NPHP4: variants seen among roughly 807,000 people sequenced by gnomAD.
NPHP4 encodes nephrocystin-4.
NPHP4 carries 151 observed loss-of-function variants against 155.8 expected under a neutral mutation model. The ratio of observed to expected loss-of-function variants is 0.97; its 90% CI spans 0.85 to 1.11. The LOEUF is 1.11. NPHP4 is among the 50% of genes least tolerant of loss of function. The pLI, the probability that NPHP4 is intolerant of heterozygous loss-of-function variation, is 0.00. For missense variants in NPHP4, 1,956 were observed against 1,925.7 expected, an observed-to-expected ratio of 1.02 and a Z score of -0.29; for synonymous variants, 845 against 816.8, an observed-to-expected ratio of 1.03 and a Z score of -0.59.
chr1:5,864,368 G>A lies in NPHP4; in HGVS notation c.3966C>T (p.Cys1322=). Residue 1322 remains cysteine (C), a synonymous_variant, in exon 28 of 30, where the codon TGC becomes TGT. Transcript: ENST00000378156. ...AGATGAGCGGCTGGCGGCAGCAGAG[G>A]CACACGAGCCAGGAGGCCACCAGCT... ...CHQLVASWLV[C]LCCRQPLISK... is the part of the protein sequence containing the mutation. The A allele has an allele frequency of 6.2e-7, 1 of 1,609,114 alleles. No individual in the cohort carries two copies. The highest frequency in any genetic ancestry group is 8.5e-7 in the Non-Finnish European group (1 of 1,177,828).
chr1:5,886,323 A>T (rs1437313882), intron 18 of NPHP4, among the ~76,000 whole-genome samples: 1 of 152,152 alleles, frequency 6.6e-6, no homozygotes, highest in Non-Finnish European at 1.5e-5. Flanking sequence ...CGACTTAACG[A>T]GCTGTGCACT....
At chr1:5,966,931 G>T (rs1183539076) in intron 5 of NPHP4, among the ~76,000 whole-genome samples, 7 of 152,240 alleles carry the variant, frequency 4.6e-5, no homozygotes, top group Admixed American at 4.6e-4. Flanking sequence ...CTCAGCCATG[G>T]GGCCTTGCCA....
intron 16 of NPHP4, among the ~76,000 whole-genome samples, chr1:5,893,189 T>G (rs950241933): frequency 6.6e-6 from 1 of 152,046 alleles, no homozygotes; most frequent in Non-Finnish European, 1.5e-5. Context: ...ACAGGGTCGG[T>G]GGGTCTCTCC....
chr1:5,891,002 T>C lies in NPHP4; in HGVS notation c.2170A>G (p.Met724Val), dbSNP rs886598057. Residue 724 changes from methionine (M) to valine (V), a missense_variant, in exon 17 of 30, where the codon ATG becomes GTG. Coordinates refer to ENST00000378156, the MANE Select transcript of NPHP4 (RefSeq NM_015102.5). ...GGCTTCAGGAACCCAGGGCCCACCA[T>C]GTACCTCAGCTGGAAGCCAGGAGAC... ...AGSPGFQLRY[M>V]VGPGFLKPGE... 4 of 1,565,088 alleles carry C rather than the reference T, an allele frequency of 2.6e-6. No homozygotes were observed. Among genetic ancestry groups the C allele is most frequent in the Non-Finnish European group, 3.5e-6 (4 of 1,143,552 alleles).
chr1:5,927,847 G>A lies in NPHP4; in HGVS notation c.1303-60C>T, dbSNP rs865896370. The A allele has an allele frequency of 1.9e-5, 29 of 1,540,542 alleles. 1 individual carries two copies. Among genetic ancestry groups the A allele is most frequent in the Middle Eastern group, 1.8e-4 (1 of 5,534 alleles). On this transcript the variant is annotated intron_variant, in intron 10 of 29. Transcript: ENST00000378156. ...CCTTCATCAGCACGCCTATCAGAAC[G>A]ATCCAACCAGGAACAGCAGGCTCTG...
intron 9 of NPHP4, among the ~76,000 whole-genome samples, chr1:5,946,489 G>A (rs72857479): frequency 0.021 from 3,210 of 152,184 alleles, 91 homozygotes; most frequent in African/African-American, 0.07. Context: ...ATGAATTAAC[G>A]CTATTATGAT....
intron 3 of NPHP4, among the ~76,000 whole-genome samples, chr1:5,975,299 C>G (rs1445569624): frequency 1.3e-5 from 2 of 152,208 alleles, no homozygotes; most frequent in Non-Finnish European, 2.9e-5. Flanking sequence ...CTGCCTGGTA[C>G]AGAACACGCT....
chr1:5,890,264 G>A lies in NPHP4; in HGVS notation c.2304+604C>T, dbSNP rs756382567. On this transcript the variant is annotated intron_variant, in intron 17 of 29. Coordinates refer to ENST00000378156, the MANE Select transcript of NPHP4 (RefSeq NM_015102.5). This position sits in a 1 kb window ranked among gnomAD's most constrained non-coding sequence, Gnocchi z 4.9. Reference sequence around the variant, plus strand: ...AGAAGTCTCAGGACACCATGGTAGCGTGTGAAACTGGCCCCAGTCCTTGGC... The same window carrying A: ...AGAAGTCTCAGGACACCATGGTAGCATGTGAAACTGGCCCCAGTCCTTGGC... Among the ~76,000 whole-genome samples the A allele has an allele frequency of 8.8e-4, 134 of 152,276 alleles. 1 individual carries two copies. The highest frequency in any genetic ancestry group is 1.4e-3 in the Non-Finnish European group (97 of 68,024).
At chr1:5,915,609 G>T (rs1008731853) in intron 11 of NPHP4, among the ~76,000 whole-genome samples, 1 of 152,110 alleles carries the variant, frequency 6.6e-6, no homozygotes, top group Non-Finnish European at 1.5e-5. Flanking sequence ...GGCAGCCCAG[G>T]ACTGCAGGAG....
intron 2 of NPHP4, among the ~76,000 whole-genome samples, chr1:5,983,535 G>C (rs1655031373): frequency 6.6e-6 from 1 of 152,218 alleles, no homozygotes; most frequent in Non-Finnish European, 1.5e-5. Flanking sequence ...TCAACTGAGA[G>C]AGGACTCTTG....
intron 6 of NPHP4, among the ~76,000 whole-genome samples, chr1:5,956,066 G>GGC (rs914319120): frequency 1.3e-5 from 2 of 150,100 alleles, no homozygotes; most frequent in Admixed American, 1.3e-4. Flanking sequence ...AGCTGGGGGG[G>GGC]GGGGGTGCAG....
At chr1:5,946,814 G>A (rs1647125311) in intron 9 of NPHP4, among the ~76,000 whole-genome samples, 1 of 152,234 alleles carries the variant, frequency 6.6e-6, no homozygotes, top group African/African-American at 2.4e-5. Context: ...CAAAAGGACT[G>A]ACTTCAGAGA....
chr1:5,959,680 C>G (rs1649941540), intron 6 of NPHP4, among the ~76,000 whole-genome samples: 1 of 152,166 alleles, frequency 6.6e-6, no homozygotes, highest in African/African-American at 2.4e-5. Flanking sequence ...GTCCCAAGAT[C>G]AGTATCCACC....
chr1:5,951,356 T>C (rs1463256011), intron 7 of NPHP4, among the ~76,000 whole-genome samples: 1 of 152,252 alleles, frequency 6.6e-6, no homozygotes, highest in Non-Finnish European at 1.5e-5. Flanking sequence ...CACCAGTCTC[T>C]TGGCTCTCTG....
intron 20 of NPHP4, 49 bp from the exon 21 acceptor site, chr1:5,875,149 C>A: frequency 7.1e-7 from 1 of 1,417,258 alleles, no homozygotes; most frequent in Non-Finnish European, 9.7e-7. Context: ...ACACTCTCCT[C>A]CACAAGGGGC....
rs1268077756 is a variant in NPHP4, at chr1:5,880,016, CAT to C, written c.2611+96_2611+97del. ...ACCACGAATGGTGCACACACACACA[CAT>C]GCACACACGCATGCACACACACACA... On this transcript the variant is annotated intron_variant, in intron 19 of 29. Transcript: ENST00000378156. 6.5e-5 allele frequency: 89 copies of C among 1,366,032 alleles called. No individual in the cohort carries two copies. The African/African-American group carries it at 9.3e-4, about 14-fold the overall frequency. 84.6% of individuals were successfully genotyped at this position (1,366,032 alleles called of 1,614,324 possible).
At chr1:5,924,858 G>A (rs566147736) in intron 11 of NPHP4, among the ~76,000 whole-genome samples, 1 of 152,160 alleles carries the variant, frequency 6.6e-6, no homozygotes, top group South Asian at 2.1e-4. Flanking sequence ...GTCTTGCTAT[G>A]TTGCCCAGGC....
Position 5,988,714 on chromosome 1 carries a change from G to A in NPHP4, c.-38-2387C>T, listed in dbSNP as rs970416838. Among the ~76,000 whole-genome samples, 11 of 152,286 alleles carry A rather than the reference G, an allele frequency of 7.2e-5. No individual in the cohort carries two copies. In the East Asian group the frequency reaches 7.7e-4, roughly 11 times the overall value. ...CATGCTCCCGGCATGTGTGGGAACCGAGAGGACATGACCAGGCAGCCTGAG... is the reference window on the plus strand; with the variant it reads ...CATGCTCCCGGCATGTGTGGGAACCAAGAGGACATGACCAGGCAGCCTGAG... On this transcript the variant is annotated intron_variant, in intron 1 of 29. Transcript: ENST00000378156.
chr1:5,897,637 A>G (rs1157293874), intron 16 of NPHP4, among the ~76,000 whole-genome samples: 2 of 152,206 alleles, frequency 1.3e-5, no homozygotes, highest in African/African-American at 4.8e-5. Flanking sequence ...GTCTCTCCTG[A>G]AAGCCAGTGT....
Sources: allele counts gnomAD v4.1 joint callset (sites outside exome capture counted in the v4.1 genomes callset), GRCh38; gene constraint gnomAD v4.1.1; non-coding constraint Gnocchi (gnomAD v3.1); transcripts MANE v1.5; gene names NCBI Gene and HGNC (gene_info 2026-07-23, HGNC 2026-07-21).